Variants in TMEM51 observed in about 807,000 individuals in gnomAD.
TMEM51 encodes transmembrane protein 51.
TMEM51 carries 8 observed loss-of-function variants against 13.6 expected under a neutral mutation model. The observed-to-expected ratio is 0.59, with a 90% CI of 0.35 to 1.07. The LOEUF (loss-of-function observed/expected upper bound fraction) is 1.07, where lower values mean the gene tolerates loss of function less well. Among genes scored for constraint, TMEM51 ranks in the 50% least tolerant of loss-of-function variants. The pLI is 0.02. For synonymous variants in TMEM51, 147 were observed against 144.4 expected (o/e 1.02, Z -0.13); for missense variants, 279 against 330.7 (o/e 0.84, Z 1.21).
chr1:15,178,047 A>G (rs1643502592), intron 1 of TMEM51, among the ~76,000 whole-genome samples: 1 of 152,054 alleles, frequency 6.6e-6, no homozygotes, highest in Non-Finnish European at 1.5e-5. Context: ...AGTCGAACCT[A>G]GAACCAGAAC....
At chr1:15,186,471 C>T (rs1643779188) in intron 1 of TMEM51, among the ~76,000 whole-genome samples, 1 of 151,972 alleles carries the variant, frequency 6.6e-6, no homozygotes, top group South Asian at 2.1e-4. Flanking sequence ...TGAGGGAGAG[C>T]GGGGGGTCAT....
chr1:15,215,002 G>T lies in TMEM51; in HGVS notation c.-86G>T, dbSNP rs570672921. On this transcript the variant is annotated 5_prime_UTR_variant, in exon 3 of 4. Transcript: ENST00000376008. ...TGTGGGGCGAGAGATTTTGTGGAGC[G>T]CATTTAAGGGGTTTTTGTTGTGACT... 8.1e-7 allele frequency: 1 copy of T among 1,232,614 alleles called. No homozygotes were observed. The highest frequency in any genetic ancestry group is 1.1e-6 in the Non-Finnish European group (1 of 887,452). The allele number at this position is 1,232,614 out of a possible 1,614,324, so 76.4% of individuals were successfully genotyped here. A position where few individuals can be genotyped will look rare whatever the true frequency, so the allele number is the denominator to read the frequency against.
intron 1 of TMEM51, among the ~76,000 whole-genome samples, chr1:15,164,005 T>C (rs769193658): frequency 2.0e-5 from 3 of 151,892 alleles, no homozygotes; most frequent in Non-Finnish European, 1.5e-5. Context: ...AATTTTTGTA[T>C]TTTTAGTAGA....
intron 1 of TMEM51, among the ~76,000 whole-genome samples, chr1:15,203,076 C>CT (rs1310535973): frequency 6.6e-6 from 1 of 152,204 alleles, no homozygotes; most frequent in Admixed American, 6.5e-5. Context: ...CTCATGGATT[C>CT]TTCAGCTTTA....
intron 1 of TMEM51, among the ~76,000 whole-genome samples, chr1:15,175,462 C>T (rs1643428951): frequency 6.6e-6 from 1 of 152,188 alleles, no homozygotes; most frequent in Non-Finnish European, 1.5e-5. Context: ...AAGTGGTTTT[C>T]TGTTCCCCTT....
intron 1 of TMEM51, among the ~76,000 whole-genome samples, chr1:15,209,830 G>A (rs781694092): frequency 6.6e-6 from 1 of 152,038 alleles, no homozygotes; most frequent in African/African-American, 2.4e-5. Flanking sequence ...TCAGGAGTTC[G>A]GACCAGCATG....
chr1:15,189,207 T>C (rs1208992172), intron 1 of TMEM51, among the ~76,000 whole-genome samples: 1 of 136,238 alleles, frequency 7.3e-6, no homozygotes, highest in African/African-American at 2.8e-5. Context: ...ACCCAGCTAA[T>C]TTTTCCTTTT....
intron 1 of TMEM51, chr1:15,192,184 A>C (rs989693214): frequency 2.5e-6 from 1 of 396,138 alleles, no homozygotes; most frequent in South Asian, 2.2e-5. Flanking sequence ...GGCTGCAAAG[A>C]TTTCTTCATT....
chr1:15,203,541 A>G (rs1430742085), intron 1 of TMEM51, among the ~76,000 whole-genome samples: 1 of 151,914 alleles, frequency 6.6e-6, no homozygotes, highest in East Asian at 1.9e-4. Flanking sequence ...GATTATAGAC[A>G]TGAGCCACCA....
intron 3 of TMEM51, among the ~76,000 whole-genome samples, chr1:15,215,712 C>T (rs1644421230): frequency 1.3e-5 from 2 of 152,164 alleles, no homozygotes; most frequent in South Asian, 4.1e-4. Context: ...GAATACTATT[C>T]AGCCATAAAA....
chr1:15,166,251 T>C (rs1642993802), intron 1 of TMEM51, among the ~76,000 whole-genome samples: 1 of 152,226 alleles, frequency 6.6e-6, no homozygotes, highest in African/African-American at 2.4e-5. Flanking sequence ...CAGGGATTAC[T>C]GCCAGGCAAG....
chr1:15,189,182 C>T (rs913376111), intron 1 of TMEM51, among the ~76,000 whole-genome samples: 5 of 150,732 alleles, frequency 3.3e-5, no homozygotes, highest in South Asian at 2.1e-4. Flanking sequence ...TGGGATTACA[C>T]GCACCCTTCA....
At chr1:15,193,575 C>CTTTCTTTCTTTT (rs1249772503) in intron 1 of TMEM51, among the ~76,000 whole-genome samples, 2 of 114,656 alleles carry the variant, frequency 1.7e-5, no homozygotes, top group African/African-American at 7.1e-5. Flanking sequence ...TTCTTTCTTT[C>CTTTCTTTCTTTT]TTTTTTTTTT....
chr1:15,160,265 CTTTAT>C (rs943693820), intron 1 of TMEM51, among the ~76,000 whole-genome samples: 22 of 151,930 alleles, frequency 1.4e-4, no homozygotes, highest in African/African-American at 4.1e-4. Context: ...GGGAAAATGA[CTTTAT>C]TTTATTTTAT....
intron 1 of TMEM51, among the ~76,000 whole-genome samples, chr1:15,167,479 C>G (rs982075506): frequency 1.3e-5 from 2 of 151,872 alleles, no homozygotes; most frequent in Non-Finnish European, 2.9e-5. Flanking sequence ...TTGGTGATTA[C>G]GATTAAAGCT....
chr1:15,215,356 A>G lies in TMEM51; in HGVS notation c.269A>G (p.Lys90Arg). The change falls in exon 3 of 4, where the codon AAG (lysine) becomes AGG (arginine). Residue 90 changes from lysine to arginine, a missense_variant. Transcript: ENST00000376008. ...SICLSIRDKR[K>R]QRQGEDLAHV... ...TGCCTGAGTATCAGGGATAAGAGGA[A>G]GCAGCGGCAGGGCGAGGACCTGGCC... 6.2e-7 allele frequency: 1 copy of G among 1,613,348 alleles called. No homozygotes were observed. The highest frequency in any genetic ancestry group is 1.1e-5 in the South Asian group (1 of 91,078).
chr1:15,212,715 G>A lies in TMEM51; in HGVS notation c.-194+2153G>A, dbSNP rs114186555. 4.4e-3 allele frequency among the ~76,000 whole-genome samples: 668 copies of A among 152,254 alleles called. 1 individual carries two copies. Among genetic ancestry groups the A allele is most frequent in the Non-Finnish European group, 7.8e-3 (532 of 68,012 alleles). On this transcript the variant is annotated intron_variant, in intron 2 of 3. Coordinates refer to ENST00000376008, the MANE Select transcript of TMEM51 (RefSeq NM_001136218.2). Reference sequence around the variant, plus strand: ...GTAAGAAATAAATATCCTTGTGTACGGTCCCATCTGGTCCTACCGCAGCTG... The same window carrying A: ...GTAAGAAATAAATATCCTTGTGTACAGTCCCATCTGGTCCTACCGCAGCTG...
intron 1 of TMEM51, among the ~76,000 whole-genome samples, chr1:15,168,038 C>A (rs1388618240): frequency 6.6e-6 from 1 of 152,210 alleles, no homozygotes. Context: ...ACGAGCGTAG[C>A]CACCATCTGC....
At chr1:15,217,448 G>A (rs764259598) in intron 3 of TMEM51, among the ~76,000 whole-genome samples, 1 of 152,052 alleles carries the variant, frequency 6.6e-6, no homozygotes, top group African/African-American at 2.4e-5. Flanking sequence ...TATTGGTCAG[G>A]GTTCTCCAGA....
Sources: allele counts gnomAD v4.1 joint callset (sites outside exome capture counted in the v4.1 genomes callset), GRCh38; gene constraint gnomAD v4.1.1; transcripts MANE v1.5; gene names NCBI Gene and HGNC (gene_info 2026-07-23, HGNC 2026-07-21).